LAMB3: variants seen among roughly 807,000 people sequenced by gnomAD.
LAMB3 encodes laminin subunit beta-3.
Under a neutral mutation model 140.3 loss-of-function variants are expected in LAMB3, and 104 were observed. The ratio of observed to expected loss-of-function variants is 0.74; its 90% confidence interval spans 0.63 to 0.87. The LOEUF is 0.87. Ranked by LOEUF, LAMB3 falls within the 40% of genes least tolerant of loss-of-function variation. The probability of loss-of-function intolerance (pLI) is 0.00; values close to 1 mark genes in which losing one functional copy is unlikely to be tolerated. For synonymous variants in LAMB3, 592 were observed against 602.9 expected (o/e 0.98, Z 0.26); for missense variants, 1,531 against 1,575.2 (o/e 0.97, Z 0.47).
Position 209,650,109 on chromosome 1 carries a change from C to A in LAMB3, c.38G>T (p.Gly13Val), listed in dbSNP as rs746335563. 6.8e-6 allele frequency: 11 copies of A among 1,613,254 alleles called. No individual in the cohort carries two copies. The highest frequency in any genetic ancestry group is 9.3e-6 in the Non-Finnish European group (11 of 1,179,726). Residue 13 changes from glycine (G) to valine (V), a missense_variant, in exon 3 of 23, where the codon GGC becomes GTC. Physicochemically the swap from Gly to Val is moderately radical, Grantham distance 109. Transcript: ENST00000356082. The part of the protein sequence containing the change: ...PFFLLCFALP[G>V]LLHAQQACSR... The stretch of plus-strand genomic sequence containing the variant: ...GCAGGCTTGTTGGGCATGCAGGAGG[C>A]CAGGCAGGGCTGAAATCACAGGGAT...
chr1:209,617,271 G>T, intron 21 of LAMB3, 139 bp downstream of exon 21: 2 of 990,446 alleles, frequency 2.0e-6, no homozygotes, highest in East Asian at 2.4e-5. Context: ...CCAGGTTTGG[G>T]TTGACTCTCA....
Position 209,623,260 on chromosome 1 carries a change from G to T in LAMB3, c.2359-81C>A. 7.3e-7 allele frequency: 1 copy of T among 1,376,188 alleles called. No individual in the cohort carries two copies. Among genetic ancestry groups the T allele is most frequent in the South Asian group, 1.2e-5 (1 of 83,490 alleles). 85.2% of individuals were successfully genotyped at this position (1,376,188 alleles called of 1,614,324 possible). A position where few individuals can be genotyped will look rare whatever the true frequency, so the allele number is the denominator to read the frequency against. On this transcript the variant is annotated intron_variant, in intron 16 of 22. Transcript: ENST00000356082. This position sits in a 1 kb window ranked among gnomAD's most constrained non-coding sequence, Gnocchi z 4.2. ...CCACCCCACACCTGGGAAACCAACA[G>T]CCAGACATCTCCATGACAACCAAGC...
At chr1:209,641,325 G>A (rs937881068) in intron 3 of LAMB3, among the ~76,000 whole-genome samples, 1 of 152,106 alleles carries the variant, frequency 6.6e-6, no homozygotes, top group Non-Finnish European at 1.5e-5. Flanking sequence ...GTGCAGTGGA[G>A]TCCTTGGTAG....
At chr1:209,651,293 C>T (rs139385236) in intron 1 of LAMB3, 118 of 353,972 alleles carry the variant, frequency 3.3e-4, no homozygotes, top group African/African-American at 2.3e-3. Context: ...GTAAGGACAA[C>T]GTGGGGAGCA....
intron 18 of LAMB3, among the ~76,000 whole-genome samples, chr1:209,619,360 C>T (rs376249224): frequency 2.8e-4 from 43 of 152,198 alleles, no homozygotes; most frequent in African/African-American, 9.9e-4. Flanking sequence ...GGGTTTTGTC[C>T]ACAGCTATAT....
rs1064793896 is a variant in LAMB3, at chr1:209,638,591, G to A, written c.241C>T (p.Arg81Ter). The change falls in exon 4 of 23, where the codon CGA becomes TGA. Residue 81 changes from arginine (R) to a stop codon, truncating the protein, a stop_gained. Transcript: ENST00000356082. LOFTEE classifies it high-confidence loss of function. ...SRQPHNYYSH[R>*]VENVASSSGP... ...GAGGATGAAGCCACATTCTCTACTC[G>A]GTGACTGTAGTAGTTGTGAGGCTGC... The A allele has an allele frequency of 1.6e-5, 26 of 1,614,038 alleles. No individual in the cohort carries two copies. Among genetic ancestry groups the A allele is most frequent in the South Asian group, 5.5e-5 (5 of 91,074 alleles).
At chr1:209,618,141 C>T in intron 19 of LAMB3, 93 bp from the exon 20 acceptor site, 1 of 1,498,234 alleles carries the variant, frequency 6.7e-7, no homozygotes, top group Admixed American at 1.7e-5. Context: ...CAAAAGAACA[C>T]CCTTCCCAGC....
intron 11 of LAMB3, 132 bp downstream of exon 11, chr1:209,627,903 C>T (rs973496775): frequency 1.0e-5 from 13 of 1,242,906 alleles, no homozygotes; most frequent in Non-Finnish European, 1.5e-5. Flanking sequence ...TGGCAAAGGC[C>T]CGGGCATACC....
Position 209,631,382 on chromosome 1 carries a change from T to G in LAMB3, c.823-647A>C, listed in dbSNP as rs150866002. 5.7e-3 allele frequency among the ~76,000 whole-genome samples: 866 copies of G among 152,244 alleles called. 6 individuals carry two copies. The highest frequency in any genetic ancestry group is 0.018 in the African/African-American group (740 of 41,540). Reference sequence around the variant, plus strand: ...TCCACCTTTTGGCCTTTAGCAATGGTTTTTCTTCTGCCTAGAATTCTCTTC... The same window carrying G: ...TCCACCTTTTGGCCTTTAGCAATGGGTTTTCTTCTGCCTAGAATTCTCTTC... On this transcript the variant is annotated intron_variant, in intron 8 of 22. Coordinates refer to ENST00000356082, the MANE Select transcript of LAMB3 (RefSeq NM_000228.3).
chr1:209,630,518 A>T, intron 9 of LAMB3, 97 bp downstream of exon 9: 1 of 1,339,376 alleles, frequency 7.5e-7, no homozygotes, highest in Non-Finnish European at 1.1e-6. Context: ...CATAAGAAAG[A>T]CTGGATCCCC....
Position 209,618,491 on chromosome 1 carries a change from G to A in LAMB3, c.2870C>T (p.Ala957Val), listed in dbSNP as rs149625153. 5.3e-5 allele frequency: 85 copies of A among 1,614,204 alleles called. 1 individual carries two copies. Among genetic ancestry groups the A allele is most frequent in the Admixed American group, 3.5e-4 (21 of 60,034 alleles). ...LVLSQTKQDI[A>V]RARRLQAEAE... ...CTCAGCCTGCAACCGGCGGGCACGC[G>A]CAATGTCCTGCTTGGTCTGGGACAG... Residue 957 changes from alanine (A) to valine (V), a missense_variant, in exon 19 of 23, where the codon GCG becomes GTG. Ala to Val is a moderately conservative substitution (Grantham distance 64, BLOSUM62 0). Coordinates refer to ENST00000356082, the MANE Select transcript of LAMB3 (RefSeq NM_000228.3).
Position 209,617,807 on chromosome 1 carries a change from C to T in LAMB3, c.3051+100G>A, listed in dbSNP as rs1666029620. On this transcript the variant is annotated intron_variant, in intron 20 of 22. Transcript: ENST00000356082. ...TTGTCACTCTCCTCTAGAACTCCAC[C>T]TCAGGTTTTATCTAGTCACTTTCTG... is the stretch of plus-strand genomic sequence containing the variant. 4 of 1,494,694 alleles carry T rather than the reference C, an allele frequency of 2.7e-6. No individual in the cohort carries two copies. The South Asian group carries it at 4.5e-5, about 17-fold the overall frequency. The allele number at this position is 1,494,694 out of a possible 1,614,324, so 92.6% of individuals were successfully genotyped here.
At chr1:209,615,523 C>T in intron 22 of LAMB3, 116 bp from the exon 23 acceptor site, 5 of 1,266,542 alleles carry the variant, frequency 3.9e-6, no homozygotes, top group Non-Finnish European at 5.3e-6. Flanking sequence ...GAATCCCCTC[C>T]AGAAAAATCT....
At chr1:209,637,391 A>G (rs1289019999) in intron 5 of LAMB3, among the ~76,000 whole-genome samples, 34 of 152,228 alleles carry the variant, frequency 2.2e-4, no homozygotes, top group Non-Finnish European at 5.9e-5. Context: ...CAATTAAATG[A>G]AAATGTTTCC....
chr1:209,615,063 A>T lies in LAMB3; in HGVS notation c.*208T>A. 1.7e-6 allele frequency: 1 copy of T among 593,602 alleles called. No homozygotes were observed. The highest frequency in any genetic ancestry group is 2.2e-5 in the South Asian group (1 of 45,956). 36.8% of individuals were successfully genotyped at this position (593,602 alleles called of 1,614,324 possible). On this transcript the variant is annotated 3_prime_UTR_variant, in exon 23 of 23. Transcript: ENST00000356082. ...TTTCAATGGCATGCCAATCTCCACC[A>T]TCTTTGTCTGTCAAGTGTAACTGTC...
rs2076219 is a variant in LAMB3, at chr1:209,618,163, G to T, written c.2910-115C>A. 5 of 1,340,684 alleles carry T rather than the reference G, an allele frequency of 3.7e-6. No individual in the cohort carries two copies. The East Asian group carries it at 9.5e-5, about 25-fold the overall frequency. 83.0% of individuals were successfully genotyped at this position (1,340,684 alleles called of 1,614,324 possible). A position where few individuals can be genotyped will look rare whatever the true frequency, so the allele number is the denominator to read the frequency against. On this transcript the variant is annotated intron_variant, in intron 19 of 22. Coordinates refer to ENST00000356082, the MANE Select transcript of LAMB3 (RefSeq NM_000228.3). ...ACACCCTTCCCAGCCAAGGCAAAGA[G>T]CAAGGAAAGTATTAACTCAGTAGCT...
intron 5 of LAMB3, among the ~76,000 whole-genome samples, chr1:209,636,776 C>T (rs1437122942): frequency 6.6e-6 from 1 of 152,186 alleles, no homozygotes; most frequent in Non-Finnish European, 1.5e-5. Context: ...TTCATCTTCC[C>T]CTGGGTGCAC....
chr1:209,641,434 C>A (rs115713846), intron 3 of LAMB3, among the ~76,000 whole-genome samples: 1 of 152,214 alleles, frequency 6.6e-6, no homozygotes, highest in Non-Finnish European at 1.5e-5. Flanking sequence ...AAAGAGGCAA[C>A]ATGACTTTGC....
chr1:209,629,654 C>G (rs370783774), intron 10 of LAMB3, 83 bp downstream of exon 10: 3 of 1,371,284 alleles, frequency 2.2e-6, no homozygotes. Flanking sequence ...TTGGTGTGCC[C>G]AGGAACATGT....
Sources: gnomAD v4.1 joint callset for allele counts (sites outside exome capture counted in the v4.1 genomes callset) on GRCh38, gnomAD v4.1.1 for gene constraint, Gnocchi (gnomAD v3.1) non-coding constraint, MANE v1.5 for transcripts, NCBI Gene and HGNC (gene_info 2026-07-23, HGNC 2026-07-21) for gene names.